GALNT13: variants seen among roughly 807,000 people sequenced by gnomAD.
GALNT13 encodes the protein UDP-GalNAc:polypeptide N-acetylgalactosaminyltransferase 13.
In GALNT13, 28 loss-of-function variants were observed where a neutral mutation model predicts 64.2. The ratio of observed to expected loss-of-function variants is 0.44; its 90% CI spans 0.32 to 0.60. The LOEUF is 0.60. GALNT13 is among the 20% of genes least tolerant of loss of function. The probability of loss-of-function intolerance (pLI) is 0.05; values close to 1 mark genes in which losing one functional copy is unlikely to be tolerated. For missense variants in GALNT13, 577 were observed against 669.8 expected (o/e 0.86, Z 1.53); for synonymous variants, 214 against 224.6 (o/e 0.95, Z 0.42).
intron 9 of GALNT13, among the ~76,000 whole-genome samples, chr2:154,340,634 T>C (rs76645655): frequency 0.017 from 2,640 of 152,220 alleles, 76 homozygotes; most frequent in African/African-American, 0.06. Context: ...CATTATACCA[T>C]CATCCTAAAT....
chr2:154,306,999 T>C (rs992341827), intron 9 of GALNT13, among the ~76,000 whole-genome samples: 2 of 152,058 alleles, frequency 1.3e-5, no homozygotes, highest in Non-Finnish European at 2.9e-5. Context: ...TTATTTTTTT[T>C]TTTTTTAGCG....
intron 1 of GALNT13, among the ~76,000 whole-genome samples, chr2:153,884,886 T>C (rs951651816): frequency 4.4e-4 from 63 of 143,100 alleles, no homozygotes; most frequent in Non-Finnish European, 8.5e-4. Flanking sequence ...CACACACACA[T>C]TTTTTAGCCG....
intron 4 of GALNT13, among the ~76,000 whole-genome samples, chr2:154,219,713 A>G (rs1219124774): frequency 6.6e-6 from 1 of 152,080 alleles, no homozygotes; most frequent in Non-Finnish European, 1.5e-5. Context: ...TGGAACTATT[A>G]AAGTACCAGA....
chr2:154,109,349 C>T (rs1423638015), intron 3 of GALNT13, among the ~76,000 whole-genome samples: 1 of 152,004 alleles, frequency 6.6e-6, no homozygotes, highest in Non-Finnish European at 1.5e-5. Flanking sequence ...TGTAGCTTTA[C>T]AGTATTTACA....
chr2:154,146,747 A>G (rs1683625790), intron 4 of GALNT13, among the ~76,000 whole-genome samples: 1 of 152,070 alleles, frequency 6.6e-6, no homozygotes, highest in African/African-American at 2.4e-5. Context: ...AGCCAGCATA[A>G]ACAAATCTCA....
At chr2:153,993,997 T>C (rs1215477410) in intron 3 of GALNT13, among the ~76,000 whole-genome samples, 1 of 152,128 alleles carries the variant, frequency 6.6e-6, no homozygotes, top group Non-Finnish European at 1.5e-5. Context: ...ACATATGCCA[T>C]GTTGGTGTGC....
chr2:153,202,083 C>T, the GALNT13 span, among the ~76,000 whole-genome samples: 1 of 149,366 alleles, frequency 6.7e-6, no homozygotes, highest in Non-Finnish European at 1.5e-5. Flanking sequence ...TTCCCGGGTT[C>T]ACGCCATTCT....
Position 154,088,985 on chromosome 2 carries a change from C to T in GALNT13, c.143-51352C>T, listed in dbSNP as rs1574479547. The stretch of plus-strand genomic sequence containing the variant: ...GATTTTTTGTGAACACAGGAGGGCT[C>T]TTCTTGATTTTCTCTTTACCTGATT... On this transcript the variant is annotated intron_variant, in intron 3 of 12. Transcript: ENST00000392825. Among the ~76,000 whole-genome samples the T allele has an allele frequency of 2.0e-5, 3 of 152,150 alleles. No homozygotes were observed. The Middle Eastern group carries it at 0.01, about 518-fold the overall frequency.
In GALNT13 at chr2:153,872,117, G is replaced by C. The variant is rs2105209043; in HGVS notation, c.-363G>C. 1 of 151,922 alleles carries C rather than the reference G, an allele frequency of 6.6e-6. No individual in the cohort carries two copies. Among genetic ancestry groups the C allele is most frequent in the Non-Finnish European group, 1.5e-5 (1 of 68,002 alleles). The allele number at this position is 151,922 out of a possible 1,614,324, so 9.4% of individuals were successfully genotyped here. A position where few individuals can be genotyped will look rare whatever the true frequency, so the allele number is the denominator to read the frequency against. On this transcript the variant is annotated 5_prime_UTR_variant, in exon 1 of 13. Coordinates refer to ENST00000392825, the MANE Select transcript of GALNT13 (RefSeq NM_052917.4). The stretch of plus-strand genomic sequence containing the variant: ...CTCTGCTCGCGGGCAAGTGTGAAGA[G>C]AGAGGCGCGGGCGGGAGCCGGGGCT...
chr2:154,133,566 A>ATATATATATG (rs1682767222), intron 3 of GALNT13, among the ~76,000 whole-genome samples: 13 of 49,912 alleles, frequency 2.6e-4, no homozygotes, highest in Admixed American at 1.1e-3. Flanking sequence ...ATATATATAT[A>ATATATATATG]TATATATATA....
intron 3 of GALNT13, among the ~76,000 whole-genome samples, chr2:154,008,091 G>T (rs1479921546): frequency 6.6e-6 from 1 of 151,940 alleles, no homozygotes; most frequent in Non-Finnish European, 1.5e-5. Context: ...CAGTTGGTTG[G>T]GTCAACTAAA....
chr2:153,515,068 C>CTGTT, the GALNT13 span, among the ~76,000 whole-genome samples: 1 of 152,214 alleles, frequency 6.6e-6, no homozygotes, highest in Middle Eastern at 3.4e-3. Flanking sequence ...ATTAACCTTT[C>CTGTT]TGTTTTTCTG....
intron 3 of GALNT13, among the ~76,000 whole-genome samples, chr2:153,999,246 C>A (rs1461852683): frequency 6.7e-6 from 1 of 150,152 alleles, no homozygotes; most frequent in African/African-American, 2.4e-5. Context: ...AATAACATGA[C>A]ACATCTACAA....
At chr2:153,106,432 T>G in the GALNT13 span, among the ~76,000 whole-genome samples, 1 of 152,130 alleles carries the variant, frequency 6.6e-6, no homozygotes. Flanking sequence ...GTGAGTACCA[T>G]GCTTTCCATC....
intron 12 of GALNT13, among the ~76,000 whole-genome samples, chr2:154,443,132 A>G (rs1701386777): frequency 6.6e-6 from 1 of 152,132 alleles, no homozygotes; most frequent in African/African-American, 2.4e-5. Flanking sequence ...AAGAAAAACA[A>G]TGGCTCAATT....
the GALNT13 span, among the ~76,000 whole-genome samples, chr2:153,451,792 C>T: frequency 6.6e-6 from 1 of 152,180 alleles, no homozygotes; most frequent in Non-Finnish European, 1.5e-5. Flanking sequence ...TCCCTTCTCA[C>T]TGCAATTAGA....
the GALNT13 span, among the ~76,000 whole-genome samples, chr2:153,588,116 G>A: frequency 6.6e-6 from 1 of 152,202 alleles, no homozygotes; most frequent in East Asian, 1.9e-4. Context: ...CTGCCCCTGT[G>A]GCTTTTCAGG....
intron 2 of GALNT13, among the ~76,000 whole-genome samples, chr2:153,910,701 C>A (rs1360307742): frequency 6.6e-6 from 1 of 152,130 alleles, no homozygotes; most frequent in Admixed American, 6.6e-5. Context: ...TACCCCAAAT[C>A]ATTCTGAAGC....
chr2:153,642,201 C>A, the GALNT13 span, among the ~76,000 whole-genome samples: 7 of 151,772 alleles, frequency 4.6e-5, no homozygotes, highest in Admixed American at 2.6e-4. Context: ...CTATTTATTC[C>A]AGGCTACTTA....
Sources: gnomAD v4.1 joint callset for allele counts (sites outside exome capture counted in the v4.1 genomes callset) on GRCh38, gnomAD v4.1.1 for gene constraint, MANE v1.5 for transcripts, NCBI Gene and HGNC (gene_info 2026-07-23, HGNC 2026-07-21) for gene names.